Variants in DEPDC5 observed in about 807,000 individuals in gnomAD.
DEPDC5 encodes GATOR1 complex protein DEPDC5.
In DEPDC5, 73 loss-of-function variants were observed where a neutral mutation model predicts 217.3. The observed-to-expected ratio is 0.34, with a 90% CI of 0.28 to 0.41. DEPDC5 has a LOEUF of 0.41. Among genes scored for constraint, DEPDC5 ranks in the 10% least tolerant of loss-of-function variants. DEPDC5 has a pLI of 1.00. For synonymous variants in DEPDC5, 733 were observed against 756.7 expected, an observed-to-expected ratio of 0.97 and a Z score of 0.51; for missense variants, 1,675 against 2,070.1, an observed-to-expected ratio of 0.81 and a Z score of 3.70.
At chr22:31,825,652 C>G (rs2090086758) in intron 24 of DEPDC5, among the ~76,000 whole-genome samples, 1 of 152,128 alleles carries the variant, frequency 6.6e-6, no homozygotes, top group South Asian at 2.1e-4. Flanking sequence ...TCATTTGTGG[C>G]CAGGATTATT....
chr22:31,769,260 A>AG (rs529831743), intron 7 of DEPDC5: 1 of 114,600 alleles, frequency 8.7e-6, no homozygotes, highest in Non-Finnish European at 1.9e-5. Flanking sequence ...ACTCCGTCTC[A>AG]AAAAAAAAAA....
intron 24 of DEPDC5, among the ~76,000 whole-genome samples, chr22:31,833,585 A>G (rs1175551919): frequency 6.6e-6 from 1 of 152,218 alleles, no homozygotes; most frequent in Non-Finnish European, 1.5e-5. Flanking sequence ...GGCCATTTAT[A>G]TTCACTAAAG....
chr22:31,849,224 A>G (rs1324028523), intron 31 of DEPDC5, among the ~76,000 whole-genome samples: 1 of 152,086 alleles, frequency 6.6e-6, no homozygotes, highest in Non-Finnish European at 1.5e-5. Flanking sequence ...AGTCGCTTCC[A>G]CATTTTCGGG....
intron 31 of DEPDC5, chr22:31,852,867 C>G (rs1477241069): frequency 1.3e-5 from 2 of 152,118 alleles, no homozygotes; most frequent in Non-Finnish European, 2.9e-5. Flanking sequence ...GCTTGGTGGG[C>G]GGGGGCCAGG....
At chr22:31,768,187 C>T (rs1199268513) in intron 6 of DEPDC5, among the ~76,000 whole-genome samples, 2 of 150,678 alleles carry the variant, frequency 1.3e-5, no homozygotes, top group Non-Finnish European at 2.9e-5. Context: ...TTTTGATGCA[C>T]CCATTACCCA....
chr22:31,826,397 T>C (rs80062105), intron 24 of DEPDC5: 8,166 of 380,994 alleles, frequency 0.021, 106 homozygotes, highest in African/African-American at 0.041. Context: ...GGAGCTGTTG[T>C]TGTCATTACA....
At chr22:31,780,037 C>T (rs896821996) in intron 8 of DEPDC5, among the ~76,000 whole-genome samples, 1 of 152,170 alleles carries the variant, frequency 6.6e-6, no homozygotes, top group African/African-American at 2.4e-5. Flanking sequence ...CTCTTGCCTT[C>T]CAGAACAGAA....
chr22:31,819,474 T>C (rs2089474255), intron 22 of DEPDC5, among the ~76,000 whole-genome samples: 1 of 151,450 alleles, frequency 6.6e-6, no homozygotes, highest in Non-Finnish European at 1.5e-5. Context: ...CTTTTTTTTT[T>C]TTTTTTCTTT....
chr22:31,815,381 A>G (rs760495906), intron 21 of DEPDC5, 169 bp downstream of exon 21: 2 of 702,324 alleles, frequency 2.8e-6, no homozygotes, highest in South Asian at 1.6e-5. Context: ...TATATATTAT[A>G]CTTCTTTTTT....
chr22:31,799,639 C>A (rs1464799520), intron 14 of DEPDC5, among the ~76,000 whole-genome samples: 4 of 148,066 alleles, frequency 2.7e-5, no homozygotes, highest in Non-Finnish European at 6.1e-5. Flanking sequence ...GCAGCTGGGA[C>A]TACAGGTGTG....
At chr22:31,841,081 C>G (rs1007401792) in intron 27 of DEPDC5, among the ~76,000 whole-genome samples, 1 of 152,222 alleles carries the variant, frequency 6.6e-6, no homozygotes, top group Non-Finnish European at 1.5e-5. Context: ...GTGTTTGTTG[C>G]ATGAATGAAG....
rs181207374 is a variant in DEPDC5, at chr22:31,838,950, C to T, written c.2515+105C>T. 3.4e-5 allele frequency: 43 copies of T among 1,260,620 alleles called. No homozygotes were observed. The East Asian group carries it at 5.3e-4, about 16-fold the overall frequency. 78.1% of individuals were successfully genotyped at this position (1,260,620 alleles called of 1,614,324 possible). On this transcript the variant is annotated intron_variant, in intron 27 of 42. Transcript: ENST00000651528. ...AGATAAATTTAGTAGTAATCGTTTTCGACATAGAAGTTTTCTTTATAAATT... is the reference window on the plus strand; with the variant it reads ...AGATAAATTTAGTAGTAATCGTTTTTGACATAGAAGTTTTCTTTATAAATT...
At chr22:31,891,272 CA>C in intron 38 of DEPDC5, 2 of 518,490 alleles carry the variant, frequency 3.9e-6, no homozygotes, top group East Asian at 4.7e-5. Flanking sequence ...CCTCTTAATG[CA>C]AAAGCAAAAA....
chr22:31,841,306 T>A (rs1318682648), intron 27 of DEPDC5, among the ~76,000 whole-genome samples: 1 of 152,248 alleles, frequency 6.6e-6, no homozygotes, highest in Non-Finnish European at 1.5e-5. Context: ...TCTGCTGTCC[T>A]CCTCTCTCCT....
At chr22:31,859,121 C>G (rs1211346791) in intron 32 of DEPDC5, 2 of 108,832 alleles carry the variant, frequency 1.8e-5, no homozygotes, top group South Asian at 6.4e-4. Flanking sequence ...GACGGAGTCT[C>G]ACTCTGTTGC....
rs1465585246 is a variant in DEPDC5 at position 31,887,098 on chromosome 22, A to T, written c.4034-6484A>T. ...ATTCCATCTCGAAAAAAAAAAAAAG[A>T]GAGAGAGAGAGAAGCAGTATATAGA... is the stretch of plus-strand genomic sequence containing the variant. On this transcript the variant is annotated intron_variant, in intron 38 of 42. Transcript: ENST00000651528. 2.1e-4 allele frequency among the ~76,000 whole-genome samples: 31 copies of T among 145,494 alleles called. No individual in the cohort carries two copies. The Admixed American group carries it at 2.2e-3, about 10-fold the overall frequency.
At chr22:31,898,181 A>G (rs1396410610) in intron 40 of DEPDC5, among the ~76,000 whole-genome samples, 1 of 152,116 alleles carries the variant, frequency 6.6e-6, no homozygotes, top group East Asian at 1.9e-4. Context: ...AGGGAAGACA[A>G]AGCAGGATCA....
intron 29 of DEPDC5, 25 bp downstream of exon 29, chr22:31,843,837 C>T (rs759930332): frequency 1.3e-6 from 2 of 1,570,684 alleles, no homozygotes; most frequent in Non-Finnish European, 1.7e-6. Context: ...TTTGGATTTC[C>T]ATCTTTGCAT....
intron 39 of DEPDC5, among the ~76,000 whole-genome samples, chr22:31,896,520 A>G (rs559575576): frequency 6.8e-6 from 1 of 146,706 alleles, no homozygotes; most frequent in South Asian, 2.1e-4. Context: ...CACATCGATC[A>G]ACCTTTTTTT....
Sources: allele counts gnomAD v4.1 joint callset (sites outside exome capture counted in the v4.1 genomes callset), GRCh38; gene constraint gnomAD v4.1.1; transcripts MANE v1.5; gene names NCBI Gene and HGNC (gene_info 2026-07-23, HGNC 2026-07-21).